The following SEMA3E variants were observed in gnomAD, a reference collection of about 807,000 sequenced individuals.
SEMA3E encodes semaphorin 3E, also known as semaphorin-3E.
SEMA3E carries 49 observed loss-of-function variants against 93.6 expected under a neutral mutation model. That is an observed-to-expected ratio of 0.52 (90% CI 0.42 to 0.66). The LOEUF is 0.66. SEMA3E is among the 30% of genes least tolerant of loss of function. The probability of loss-of-function intolerance (pLI) is 0.00; values close to 1 mark genes in which losing one functional copy is unlikely to be tolerated. For synonymous variants in SEMA3E, 363 were observed against 330.7 expected (o/e 1.10, Z -1.06); for missense variants, 906 against 964.8 (o/e 0.94, Z 0.81).
chr7:83,400,287 T>C, intron 10 of SEMA3E, 37 bp from the exon 11 acceptor site: 1 of 1,584,618 alleles, frequency 6.3e-7, no homozygotes, highest in Non-Finnish European at 8.7e-7. Context: ...CTTTTTGCTT[T>C]ACACCCAAAG....
At chr7:83,488,006 C>G (rs1790301515) in intron 2 of SEMA3E, among the ~76,000 whole-genome samples, 1 of 151,694 alleles carries the variant, frequency 6.6e-6, no homozygotes, top group East Asian at 1.9e-4. Flanking sequence ...ACTTTGCACG[C>G]TAGGAAAAGC....
At chr7:83,595,770 C>T (rs80321294) in intron 1 of SEMA3E, among the ~76,000 whole-genome samples, 2,322 of 151,954 alleles carry the variant, frequency 0.015, 59 homozygotes, top group African/African-American at 0.053. Flanking sequence ...AATCACATCT[C>T]GGTACATCAC....
chr7:83,402,541 GT>G, intron 10 of SEMA3E, 90 bp downstream of exon 10: 1 of 1,201,054 alleles, frequency 8.3e-7, no homozygotes, highest in Admixed American at 1.8e-5. Flanking sequence ...TTCCTTAATT[GT>G]TTATCTGCAA....
At position 83,572,590 on chromosome 7, in the gene SEMA3E, G is replaced by A. The variant is rs528709457; in HGVS notation, c.115+75838C>T. Among the ~76,000 whole-genome samples the A allele has an allele frequency of 1.1e-3, 171 of 152,086 alleles. 2 individuals carry two copies. Among genetic ancestry groups the A allele is most frequent in the African/African-American group, 4.1e-3 (170 of 41,472 alleles). ...GGAGGCAGAGGTTGCAGTGAGCTGA[G>A]ATCACGCCACTGCACTCCAGCCTGG... is the stretch of plus-strand genomic sequence containing the variant. On this transcript the variant is annotated intron_variant, in intron 1 of 16. Transcript: ENST00000643230.
intron 4 of SEMA3E, among the ~76,000 whole-genome samples, chr7:83,420,873 G>T: frequency 1.0e-5 from 1 of 99,086 alleles, no homozygotes; most frequent in African/African-American, 3.2e-5. Context: ...AAGAATCCTA[G>T]AAGAAAACCT....
intron 11 of SEMA3E, among the ~76,000 whole-genome samples, chr7:83,399,684 A>C (rs1172678505): frequency 6.6e-6 from 1 of 152,230 alleles, no homozygotes; most frequent in Non-Finnish European, 1.5e-5. Context: ...ATTCTTATGC[A>C]TGAAGTATTG....
intron 1 of SEMA3E, among the ~76,000 whole-genome samples, chr7:83,600,531 T>A (rs1792972336): frequency 8.9e-6 from 1 of 111,766 alleles, no homozygotes; most frequent in Non-Finnish European, 1.7e-5. Flanking sequence ...GTATTTTTAG[T>A]AGAGACGGGG....
chr7:83,555,764 T>C (rs1255312302), intron 1 of SEMA3E, among the ~76,000 whole-genome samples: 1 of 152,200 alleles, frequency 6.6e-6, no homozygotes, highest in Non-Finnish European at 1.5e-5. Context: ...TAATTTATTT[T>C]ATACTTTAGC....
chr7:83,373,021 G>T (rs544036485), intron 16 of SEMA3E: 1 of 152,106 alleles, frequency 6.6e-6, no homozygotes, highest in African/African-American at 2.4e-5. Context: ...CAAGAAGATA[G>T]TGCATAATAC....
At chr7:83,511,410 A>G (rs968775247) in intron 1 of SEMA3E, among the ~76,000 whole-genome samples, 3 of 152,112 alleles carry the variant, frequency 2.0e-5, no homozygotes, top group Non-Finnish European at 4.4e-5. Flanking sequence ...AGTTGCCCCA[A>G]TGATTACAGT....
At chr7:83,488,693 C>T (rs1475449420) in intron 2 of SEMA3E, among the ~76,000 whole-genome samples, 2 of 152,014 alleles carry the variant, frequency 1.3e-5, no homozygotes, top group African/African-American at 4.8e-5. Context: ...AGGTGGTGGG[C>T]CTGAGAAACT....
intron 1 of SEMA3E, among the ~76,000 whole-genome samples, chr7:83,538,155 C>T (rs1279897467): frequency 1.3e-5 from 2 of 152,106 alleles, no homozygotes; most frequent in African/African-American, 2.4e-5. Context: ...AATAATGCTA[C>T]TATAAACATT....
chr7:83,582,268 TAAA>T (rs1792532184), intron 1 of SEMA3E, among the ~76,000 whole-genome samples: 1 of 150,740 alleles, frequency 6.6e-6, no homozygotes, highest in African/African-American at 2.4e-5. Flanking sequence ...AATAAACTAA[TAAA>T]AGCTTCATTT....
chr7:83,646,089 T>G (rs1434170646), intron 1 of SEMA3E, among the ~76,000 whole-genome samples: 1 of 152,034 alleles, frequency 6.6e-6, no homozygotes, highest in East Asian at 1.9e-4. Flanking sequence ...CTCCTGGATT[T>G]CCTTGCTAGT....
At chr7:83,459,749 A>G (rs998201473) in intron 4 of SEMA3E, among the ~76,000 whole-genome samples, 1 of 152,224 alleles carries the variant, frequency 6.6e-6, no homozygotes, top group Admixed American at 6.5e-5. Context: ...AAGTAACTGA[A>G]GAATCACAAA....
Position 83,648,518 on chromosome 7 carries a change from T to C in SEMA3E, c.25A>G (p.Thr9Ala), listed in dbSNP as rs1185728516. 3 of 1,612,824 alleles carry C rather than the reference T, an allele frequency of 1.9e-6. No individual in the cohort carries two copies. Among genetic ancestry groups the C allele is most frequent in the Non-Finnish European group, 2.5e-6 (3 of 1,179,660 alleles). The change falls in exon 1 of 17, where the codon ACC becomes GCC. Residue 9 changes from threonine to alanine, a missense_variant. Thr to Ala is a moderately conservative substitution (Grantham distance 58). Transcript: ENST00000643230. The stretch of plus-strand genomic sequence containing the variant: ...AGTAAGTAACCCCACAGGAGCAAGG[T>C]GATAATGTGCCCCGCGGATGCCATG... MASAGHII[T>A]LLLWGYLLEL... is the part of the protein sequence containing the mutation.
At chr7:83,645,952 A>T (rs1417074689) in intron 1 of SEMA3E, among the ~76,000 whole-genome samples, 1 of 152,018 alleles carries the variant, frequency 6.6e-6, no homozygotes. Flanking sequence ...GGAAGAAACA[A>T]TAGGCTTGTG....
At chr7:83,630,377 C>G (rs1454378468) in intron 1 of SEMA3E, among the ~76,000 whole-genome samples, 1 of 152,108 alleles carries the variant, frequency 6.6e-6, no homozygotes, top group South Asian at 2.1e-4. Flanking sequence ...AATAGGATAG[C>G]AAAGTTTGGC....
chr7:83,383,663 G>A (rs568934839), intron 16 of SEMA3E, among the ~76,000 whole-genome samples: 50 of 152,054 alleles, frequency 3.3e-4, no homozygotes, highest in African/African-American at 1.2e-3. Flanking sequence ...TTATAGGAAT[G>A]GAGAAGTAGA....
Sources: gnomAD v4.1 joint callset for allele counts (sites outside exome capture counted in the v4.1 genomes callset) on GRCh38, gnomAD v4.1.1 for gene constraint, MANE v1.5 for transcripts, NCBI Gene and HGNC (gene_info 2026-07-23, HGNC 2026-07-21) for gene names.